HSD17B13: variants seen among roughly 807,000 people sequenced by gnomAD.
The protein encoded by HSD17B13 is hydroxysteroid 17-beta dehydrogenase 13.
HSD17B13 carries 26 observed loss-of-function variants against 31.1 expected under a neutral mutation model. The observed-to-expected ratio is 0.84, with a 90% CI of 0.61 to 1.16. The LOEUF is 1.16. HSD17B13 is among the 50% of genes most tolerant of loss of function. The probability of loss-of-function intolerance (pLI) is 0.00; values close to 1 mark genes in which losing one functional copy is unlikely to be tolerated. For missense variants in HSD17B13, 374 were observed against 366.5 expected, an observed-to-expected ratio of 1.02 and a Z score of -0.17; for synonymous variants, 141 against 133.7, an observed-to-expected ratio of 1.05 and a Z score of -0.38.
chr4:87,312,658 C>T (rs1306914019), intron 5 of HSD17B13, among the ~76,000 whole-genome samples: 2 of 151,026 alleles, frequency 1.3e-5, no homozygotes, highest in East Asian at 4.0e-4. Flanking sequence ...GCCTCCCGCG[C>T]AGCTGGGACT....
chr4:87,307,224 C>T (rs897807334), intron 6 of HSD17B13, among the ~76,000 whole-genome samples: 1 of 152,070 alleles, frequency 6.6e-6, no homozygotes, highest in Non-Finnish European at 1.5e-5. Flanking sequence ...GAATTAAATG[C>T]AAAGAAGATT....
chr4:87,321,542 T>C (rs1250258821), intron 1 of HSD17B13, among the ~76,000 whole-genome samples: 12 of 152,188 alleles, frequency 7.9e-5, no homozygotes, highest in Non-Finnish European at 1.5e-4. Context: ...GGCAACAATT[T>C]TCTCTATTTG....
Position 87,310,250 on chromosome 4 carries a change from G to C in HSD17B13, c.805C>G (p.Leu269Val). ...VPSYINIFLR[L>V]QKFLPERASA... ...GTTCTGTGCTGTACTTACTTCTGTA[G>C]TCTCAGAAAGATATTGATATACGAT... The change falls in exon 6 of 7, where the codon CTA becomes GTA. Residue 269 changes from leucine (L) to valine (V), a missense_variant. Transcript: ENST00000328546. 6.4e-7 allele frequency: 1 copy of C among 1,563,696 alleles called. No individual in the cohort carries two copies. The highest frequency in any genetic ancestry group is 8.6e-7 in the Non-Finnish European group (1 of 1,162,908).
In HSD17B13 at chr4:87,322,690, T is replaced by C; in HGVS notation, c.152A>G (p.Gln51Arg). ...TCGTTTTGCAAATTCATAAGTAGTCTGCCTGCCTATTCCATGCCCAGCTCC... is the reference window on the plus strand; with the variant it reads ...TCGTTTTGCAAATTCATAAGTAGTCCGCCTGCCTATTCCATGCCCAGCTCC... ...ITGAGHGIGR[Q>R]TTYEFAKRQS... The change falls in exon 1 of 7, where the codon CAG (glutamine) becomes CGG (arginine). Residue 51 changes from glutamine to arginine, a missense_variant. Gln to Arg is a conservative substitution (Grantham distance 43). Transcript: ENST00000328546. 1 of 1,614,190 alleles carries C rather than the reference T, an allele frequency of 6.2e-7. No individual in the cohort carries two copies. The highest frequency in any genetic ancestry group is 2.2e-5 in the East Asian group (1 of 44,888).
intron 6 of HSD17B13, among the ~76,000 whole-genome samples, chr4:87,308,594 T>C (rs1578436759): frequency 7.3e-6 from 1 of 137,288 alleles, no homozygotes; most frequent in African/African-American, 2.7e-5. Context: ...GGCAGGAGAA[T>C]GGCATGAACC....
intron 6 of HSD17B13, among the ~76,000 whole-genome samples, chr4:87,308,118 T>C (rs1734433196): frequency 6.6e-6 from 1 of 152,218 alleles, no homozygotes; most frequent in South Asian, 2.1e-4. Context: ...TTCTGTTCTC[T>C]AAGACTTTAA....
Position 87,304,056 on chromosome 4 carries a change from T to C in HSD17B13, c.*1162A>G, listed in dbSNP as rs1734326180. ...TGGGCACGGTGGCTCACACCCGTAA[T>C]CCCAGCACTTTGGGAGGCCGAGGCA... On this transcript the variant is annotated 3_prime_UTR_variant, in exon 7 of 7. Coordinates refer to ENST00000328546, the MANE Select transcript of HSD17B13 (RefSeq NM_178135.5). The C allele has an allele frequency of 1.3e-5, 2 of 151,406 alleles. No homozygotes were observed. The highest frequency in any genetic ancestry group is 2.9e-5 in the Non-Finnish European group (2 of 67,926). 9.4% of individuals were successfully genotyped at this position (151,406 alleles called of 1,614,324 possible). A position where few individuals can be genotyped will look rare whatever the true frequency, so the allele number is the denominator to read the frequency against.
rs1734323160 is a variant in HSD17B13, at chr4:87,303,920, G to C, written c.*1298C>G. The C allele has an allele frequency of 6.6e-6, 1 of 151,870 alleles. No individual in the cohort carries two copies. Among genetic ancestry groups the C allele is most frequent in the African/African-American group, 2.4e-5 (1 of 41,318 alleles). The allele number at this position is 151,870 out of a possible 1,614,324, so 9.4% of individuals were successfully genotyped here. The stretch of plus-strand genomic sequence containing the variant: ...AATCATTTGTTTTTAATAAAAACAA[G>C]AGGATAGTCCATGCAAAAGCATTCT... On this transcript the variant is annotated 3_prime_UTR_variant, in exon 7 of 7. Transcript: ENST00000328546.
chr4:87,315,765 A>C (rs1292496615), intron 3 of HSD17B13, among the ~76,000 whole-genome samples, 166 bp from the exon 4 acceptor site: 1 of 152,216 alleles, frequency 6.6e-6, no homozygotes, highest in Non-Finnish European at 1.5e-5. Flanking sequence ...TGATAGAAAT[A>C]AAGATACAAA....
chr4:87,319,828 G>A (rs1734740889), intron 1 of HSD17B13, among the ~76,000 whole-genome samples: 1 of 152,214 alleles, frequency 6.6e-6, no homozygotes, highest in Non-Finnish European at 1.5e-5. Context: ...TAAATTCAAA[G>A]ACCTCTTTCC....
In HSD17B13 at chr4:87,315,610, A is replaced by G. The variant is rs531060866; in HGVS notation, c.451-11T>C. ...AAGTGCTTTTGTGATCTTAAGGATC[A>G]TTGCAGAAAGAAGAAAGACAATGAC... On this transcript the variant is annotated splice_polypyrimidine_tract_variant and intron_variant, in intron 3 of 6. Transcript: ENST00000328546. 1.2e-4 allele frequency: 186 copies of G among 1,531,366 alleles called. 2 individuals are homozygous for G. The South Asian group carries it at 2.0e-3, about 17-fold the overall frequency. The allele number at this position is 1,531,366 out of a possible 1,614,324, so 94.9% of individuals were successfully genotyped here. A position where few individuals can be genotyped will look rare whatever the true frequency, so the allele number is the denominator to read the frequency against.
rs372506188 is a variant in HSD17B13 at position 87,318,378 on chromosome 4, T to G, written c.269A>C (p.Tyr90Ser). ...TTCTCTGTTGCTGCAGTCTACCACA[T>G]ACGCATGCGCAGTGACGCCTAGTTT... ...CRKLGVTAHAYVVDCSNREEI... is the reference protein window; with the variant it reads ...CRKLGVTAHASVVDCSNREEI... The change falls in exon 2 of 7, where the codon TAT becomes TCT. Residue 90 changes from tyrosine (Y) to serine (S), a missense_variant. Transcript: ENST00000328546. 18 of 1,614,094 alleles carry G rather than the reference T, an allele frequency of 1.1e-5. No individual in the cohort carries two copies. In the South Asian group the frequency reaches 1.8e-4, roughly 16 times the overall value.
chr4:87,320,082 G>T (rs55764266), intron 1 of HSD17B13, among the ~76,000 whole-genome samples: 17,403 of 152,190 alleles, frequency 0.11, 1,293 homozygotes, highest in Non-Finnish European at 0.16. Context: ...TGAATGAGTG[G>T]TCTCTGGGTC....
In HSD17B13 at chr4:87,304,296, G is replaced by A. The variant is rs1734337584; in HGVS notation, c.*922C>T. On this transcript the variant is annotated 3_prime_UTR_variant, in exon 7 of 7. Transcript: ENST00000328546. ...TGCACTCCAGCCTGGGCGAAAGAGT[G>A]AGACTCCATCTCAAAAAAACAAAAA... 6.5e-6 allele frequency: 1 copy of A among 153,446 alleles called. No homozygotes were observed. The highest frequency in any genetic ancestry group is 1.4e-5 in the Non-Finnish European group (1 of 69,120). 9.5% of individuals were successfully genotyped at this position (153,446 alleles called of 1,614,324 possible). A position where few individuals can be genotyped will look rare whatever the true frequency, so the allele number is the denominator to read the frequency against.
chr4:87,312,491 T>C (rs1734550770), intron 5 of HSD17B13, among the ~76,000 whole-genome samples: 1 of 150,622 alleles, frequency 6.6e-6, no homozygotes, highest in East Asian at 2.0e-4. Context: ...TCAGTAAGGC[T>C]TCTAAATAAA....
intron 6 of HSD17B13, among the ~76,000 whole-genome samples, chr4:87,309,370 G>A (rs575986009): frequency 1.3e-3 from 156 of 123,062 alleles, no homozygotes; most frequent in Admixed American, 2.3e-3. Context: ...GGCAACAAGG[G>A]TGAAACTCTG....
chr4:87,305,360 C>A, intron 6 of HSD17B13, 52 bp from the exon 7 acceptor site: 1 of 1,205,946 alleles, frequency 8.3e-7, no homozygotes. Context: ...AAATCTTTGA[C>A]AACAGAGTTC....
chr4:87,307,629 G>C (rs977586285), intron 6 of HSD17B13, among the ~76,000 whole-genome samples: 4 of 152,022 alleles, frequency 2.6e-5, no homozygotes, highest in African/African-American at 9.7e-5. Flanking sequence ...TCTCCTGCGA[G>C]TGCCTGGTAT....
In HSD17B13 at chr4:87,310,310, C is replaced by T. The variant is rs758959701; in HGVS notation, c.745G>A (p.Gly249Arg). Residue 249 changes from glycine to arginine, a missense_variant, in exon 6 of 7, where the codon GGA becomes AGA. Physicochemically the swap from Gly to Arg is moderately radical, Grantham distance 125 (BLOSUM62 -2). Coordinates refer to ENST00000328546, the MANE Select transcript of HSD17B13 (RefSeq NM_178135.5). ...ATCATTTTCTTATTGGTAAGTATTCCATCTATCAGACTTCTTACGACTTCA... is the reference window on the plus strand; with the variant it reads ...ATCATTTTCTTATTGGTAAGTATTCTATCTATCAGACTTCTTACGACTTCA... Reference protein sequence around the residue: ...TDEVVRSLIDGILTNKKMIFV... With the variant: ...TDEVVRSLIDRILTNKKMIFV... 2 of 1,575,936 alleles carry T rather than the reference C, an allele frequency of 1.3e-6. No individual in the cohort carries two copies. The highest frequency in any genetic ancestry group is 1.7e-6 in the Non-Finnish European group (2 of 1,165,804).
Sources: allele counts gnomAD v4.1 joint callset (sites outside exome capture counted in the v4.1 genomes callset), GRCh38; gene constraint gnomAD v4.1.1; transcripts MANE v1.5; gene names NCBI Gene and HGNC (gene_info 2026-07-23, HGNC 2026-07-21).